FRMD5: variants seen among roughly 807,000 people sequenced by gnomAD.
FRMD5 encodes the protein FERM domain containing 5, also known as FERM domain-containing protein 5.
Under a neutral mutation model 69.0 loss-of-function variants are expected in FRMD5, and 20 were observed. The observed-to-expected ratio is 0.29, with a 90% CI of 0.20 to 0.42. FRMD5 has a LOEUF of 0.42. FRMD5 is among the 10% of genes least tolerant of loss of function. The probability of loss-of-function intolerance (pLI) is 1.00; values close to 1 mark genes in which losing one functional copy is unlikely to be tolerated. For synonymous variants in FRMD5, 271 were observed against 260.1 expected (o/e 1.04, Z -0.40); for missense variants, 595 against 708.6 (o/e 0.84, Z 1.82).
chr15:44,196,931 AG>A (rs1025310978), upstream of FRMD5, among the ~76,000 whole-genome samples: 3 of 152,176 alleles, frequency 2.0e-5, no homozygotes, highest in African/African-American at 7.2e-5. Flanking sequence ...GTCTAGAACT[AG>A]TAAGTCAAGT....
chr15:43,977,551 C>A (rs2090483204), intron 1 of FRMD5, among the ~76,000 whole-genome samples: 1 of 152,060 alleles, frequency 6.6e-6, no homozygotes, highest in Non-Finnish European at 1.5e-5. Context: ...ACTGAGGTTA[C>A]TCTTTCTAAA....
chr15:44,047,049 GT>G (rs1266427331), intron 1 of FRMD5, among the ~76,000 whole-genome samples: 1 of 152,206 alleles, frequency 6.6e-6, no homozygotes, highest in African/African-American at 2.4e-5. Flanking sequence ...GCTCATGCCT[GT>G]AATCCTAGCA....
chr15:44,008,913 C>T (rs1290323649), intron 1 of FRMD5, among the ~76,000 whole-genome samples: 1 of 152,138 alleles, frequency 6.6e-6, no homozygotes, highest in Non-Finnish European at 1.5e-5. Context: ...GTAGTCCCAG[C>T]TACTGGGGAG....
At chr15:43,922,779 T>C (rs1253317891) in intron 2 of FRMD5, among the ~76,000 whole-genome samples, 2 of 151,826 alleles carry the variant, frequency 1.3e-5, no homozygotes, top group African/African-American at 2.4e-5. Context: ...CGAGTGATTC[T>C]CATGTCTCAG....
At chr15:44,099,332 T>A (rs2076602921) in intron 1 of FRMD5, among the ~76,000 whole-genome samples, 1 of 152,084 alleles carries the variant, frequency 6.6e-6, no homozygotes, top group African/African-American at 2.4e-5. Flanking sequence ...GATTATGAAA[T>A]CCTAACAAAC....
At chr15:44,135,104 T>TA (rs34356606) in intron 1 of FRMD5, among the ~76,000 whole-genome samples, 1 of 152,178 alleles carries the variant, frequency 6.6e-6, no homozygotes, top group African/African-American at 2.4e-5. Context: ...CTCTCATTTC[T>TA]AAAAAAGTTT....
chr15:44,050,406 C>G (rs1892607306), intron 1 of FRMD5, among the ~76,000 whole-genome samples: 1 of 152,098 alleles, frequency 6.6e-6, no homozygotes. Flanking sequence ...GCCGGCCAGG[C>G]TGGAGTGCAG....
chr15:44,191,572 C>T (rs897259032), intron 1 of FRMD5, among the ~76,000 whole-genome samples: 5 of 151,548 alleles, frequency 3.3e-5, no homozygotes, highest in African/African-American at 4.9e-5. Flanking sequence ...GGCAACAGAG[C>T]GAGACTCCAC....
chr15:44,106,579 G>T (rs1275379588), intron 1 of FRMD5, among the ~76,000 whole-genome samples: 1 of 152,122 alleles, frequency 6.6e-6, no homozygotes, highest in Admixed American at 6.6e-5. Flanking sequence ...CTCTAGGAAG[G>T]CTTAATAAAT....
chr15:44,056,391 G>A (rs553132041), intron 1 of FRMD5, among the ~76,000 whole-genome samples: 1 of 152,180 alleles, frequency 6.6e-6, no homozygotes, highest in Admixed American at 6.5e-5. Flanking sequence ...CTCAATATAG[G>A]CTAGTCAGTT....
intron 1 of FRMD5, among the ~76,000 whole-genome samples, chr15:44,030,847 G>GCC (rs1891648303): frequency 6.6e-6 from 1 of 152,096 alleles, no homozygotes; most frequent in African/African-American, 2.4e-5. Context: ...AGAAACTTAA[G>GCC]AGTGCAAAGT....
intron 1 of FRMD5, among the ~76,000 whole-genome samples, chr15:44,112,430 TA>T (rs1242196708): frequency 1.3e-5 from 2 of 151,712 alleles, no homozygotes; most frequent in African/African-American, 2.4e-5. Context: ...AAAAATGTAA[TA>T]AAAAAGGAAT....
intron 1 of FRMD5, among the ~76,000 whole-genome samples, chr15:44,169,265 C>T (rs2077760271): frequency 6.6e-6 from 1 of 151,918 alleles, no homozygotes; most frequent in African/African-American, 2.4e-5. Flanking sequence ...TATGCTATAC[C>T]CTATCTTCCA....
intron 1 of FRMD5, among the ~76,000 whole-genome samples, chr15:44,090,513 C>T (rs1566940764): frequency 6.6e-6 from 1 of 151,130 alleles, no homozygotes; most frequent in Non-Finnish European, 1.5e-5. Context: ...GATCTCGGCT[C>T]ACTACAACCT....
chr15:44,063,152 G>A (rs925915879), intron 1 of FRMD5, among the ~76,000 whole-genome samples: 14 of 152,142 alleles, frequency 9.2e-5, no homozygotes, highest in Non-Finnish European at 1.9e-4. Flanking sequence ...GCTAGGAAGA[G>A]TTTGTATAGA....
At chr15:44,006,780 T>A (rs1490068323) in intron 1 of FRMD5, among the ~76,000 whole-genome samples, 1 of 152,212 alleles carries the variant, frequency 6.6e-6, no homozygotes, top group Non-Finnish European at 1.5e-5. Flanking sequence ...ATCTTATGGA[T>A]GAGCAGAGAA....
chr15:44,039,358 C>A (rs1892082173), intron 1 of FRMD5, among the ~76,000 whole-genome samples: 1 of 152,206 alleles, frequency 6.6e-6, no homozygotes, highest in Non-Finnish European at 1.5e-5. Context: ...GGGTCCCTGA[C>A]CCCTGTGTAT....
At chr15:44,100,506 T>C (rs2076623673) in intron 1 of FRMD5, among the ~76,000 whole-genome samples, 2 of 152,202 alleles carry the variant, frequency 1.3e-5, no homozygotes, top group African/African-American at 4.8e-5. Flanking sequence ...ACATACCCTA[T>C]GAATACAGTA....
At chr15:43,949,489 CT>C (rs1420468075) in intron 1 of FRMD5, among the ~76,000 whole-genome samples, 2 of 152,194 alleles carry the variant, frequency 1.3e-5, no homozygotes, top group African/African-American at 4.8e-5. Flanking sequence ...CTCATGGAGT[CT>C]TGCTGATAGA....
Sources: allele counts gnomAD v4.1 joint callset (sites outside exome capture counted in the v4.1 genomes callset), GRCh38; gene constraint gnomAD v4.1.1; transcripts MANE v1.5; gene names NCBI Gene and HGNC (gene_info 2026-07-23, HGNC 2026-07-21).